Variants in MRPL39 observed in about 807,000 individuals in gnomAD.
MRPL39 encodes large ribosomal subunit protein mL39.
In MRPL39, 35 loss-of-function variants were observed where a neutral mutation model predicts 44.5. The ratio of observed to expected loss-of-function variants is 0.79; its 90% CI spans 0.60 to 1.04. The LOEUF is 1.04. Among genes scored for constraint, MRPL39 ranks in the 50% least tolerant of loss-of-function variants. MRPL39 has a pLI of 0.00. For missense variants in MRPL39, 433 were observed against 413.5 expected (o/e 1.05, Z -0.41); for synonymous variants, 139 against 136.1 (o/e 1.02, Z -0.15).
chr21:25,607,362 T>C (rs779389353), intron 1 of MRPL39, 41 bp downstream of exon 1: 8 of 1,609,174 alleles, frequency 5.0e-6, no homozygotes, highest in Non-Finnish European at 6.8e-6. Flanking sequence ...GACACCACTA[T>C]CTAGGCCTCG....
chr21:25,598,856 G>GGGA (rs2031438672), intron 5 of MRPL39, among the ~76,000 whole-genome samples: 1 of 136,640 alleles, frequency 7.3e-6, no homozygotes, highest in African/African-American at 2.7e-5. Flanking sequence ...TTACTAAGGG[G>GGGA]AAAAAAAAAA....
chr21:25,595,908 A>G (rs1205833689), intron 6 of MRPL39, among the ~76,000 whole-genome samples: 1 of 152,274 alleles, frequency 6.6e-6, no homozygotes. Context: ...TGTCGAATCA[A>G]TGCTATAAAT....
chr21:25,600,273 G>A (rs1043906904), intron 4 of MRPL39, among the ~76,000 whole-genome samples: 2 of 151,680 alleles, frequency 1.3e-5, no homozygotes, highest in Non-Finnish European at 2.9e-5. Context: ...GCAGGCAACT[G>A]TAATCCCAGC....
chr21:25,593,055 T>G, intron 7 of MRPL39, 90 bp from the exon 8 acceptor site: 1 of 1,137,920 alleles, frequency 8.8e-7, no homozygotes, highest in East Asian at 2.4e-5. Context: ...TCTTTGCTGC[T>G]AACATCCCTA....
intron 5 of MRPL39, among the ~76,000 whole-genome samples, chr21:25,599,343 C>A (rs1031167699): frequency 1.3e-5 from 2 of 152,202 alleles, no homozygotes; most frequent in African/African-American, 4.8e-5. Context: ...AGGGACCTCA[C>A]TGTATGCAAC....
At chr21:25,593,667 A>T (rs1327388111) in intron 7 of MRPL39, among the ~76,000 whole-genome samples, 1 of 152,226 alleles carries the variant, frequency 6.6e-6, no homozygotes, top group Non-Finnish European at 1.5e-5. Flanking sequence ...TTAAATAAAA[A>T]TAGCAAACAA....
In MRPL39 at chr21:25,606,550, G is replaced by A. The variant is rs1260583554; in HGVS notation, c.179C>T (p.Pro60Leu). 4 of 1,613,894 alleles carry A rather than the reference G, an allele frequency of 2.5e-6. No homozygotes were observed. The South Asian group carries it at 3.3e-5, about 13-fold the overall frequency. Residue 60 changes from proline (P) to leucine (L), a missense_variant, in exon 2 of 10, where the codon CCC (proline) becomes CTC (leucine). Physicochemically the swap from Pro to Leu is moderately conservative, Grantham distance 98 (BLOSUM62 -3). Coordinates refer to ENST00000352957, the MANE Select transcript of MRPL39 (RefSeq NM_017446.4). ...CTTAACTTCTATCTTCTCAGTTCGG[G>A]GAGTTAATGATAACTGCCTGGCTTT... ...KEKARQLSLT[P>L]RTEKIEVKHV...
intron 9 of MRPL39, chr21:25,587,653 A>G: frequency 7.4e-7 from 1 of 1,348,978 alleles, no homozygotes; most frequent in Non-Finnish European, 1.1e-6. Context: ...ATGTGGACAT[A>G]TACAATCAAG....
chr21:25,607,091 A>C (rs1208363762), intron 1 of MRPL39, among the ~76,000 whole-genome samples: 3 of 152,256 alleles, frequency 2.0e-5, no homozygotes, highest in Non-Finnish European at 4.4e-5. Flanking sequence ...GGCAAGTACG[A>C]GTATTCCTTG....
chr21:25,587,805 A>G, intron 9 of MRPL39: 3 of 1,576,812 alleles, frequency 1.9e-6, no homozygotes, highest in Middle Eastern at 1.7e-4. Context: ...AAGAAAAACT[A>G]TCATGAAGAA....
intron 8 of MRPL39, among the ~76,000 whole-genome samples, chr21:25,591,343 C>T (rs1207502518): frequency 6.6e-6 from 1 of 152,030 alleles, no homozygotes; most frequent in Non-Finnish European, 1.5e-5. Context: ...CAAAAGGCTG[C>T]TCAGAGAATG....
At chr21:25,605,198 C>T (rs946862764) in intron 2 of MRPL39, among the ~76,000 whole-genome samples, 1 of 152,206 alleles carries the variant, frequency 6.6e-6, no homozygotes, top group Admixed American at 6.5e-5. Context: ...AGCAATGCAG[C>T]TAGTCATGCC....
chr21:25,590,521 A>C (rs2031141692), intron 8 of MRPL39, among the ~76,000 whole-genome samples: 1 of 152,164 alleles, frequency 6.6e-6, no homozygotes, highest in Non-Finnish European at 1.5e-5. Context: ...GGATGATCCC[A>C]TTTTCTGAAA....
chr21:25,606,353 T>C, intron 2 of MRPL39, 96 bp downstream of exon 2: 2 of 1,127,480 alleles, frequency 1.8e-6, no homozygotes, highest in Non-Finnish European at 2.5e-6. Context: ...TGGCCACAGA[T>C]GACCAGAAGT....
intron 2 of MRPL39, 44 bp from the exon 3 acceptor site, chr21:25,603,979 G>A (rs755175206): frequency 6.4e-7 from 1 of 1,559,276 alleles, no homozygotes; most frequent in South Asian, 1.2e-5. Context: ...AATCCAGAGT[G>A]AAAAGTTACA....
intron 1 of MRPL39, among the ~76,000 whole-genome samples, chr21:25,606,880 T>C (rs77528591): frequency 0.027 from 4,045 of 152,170 alleles, 204 homozygotes; most frequent in African/African-American, 0.093. Context: ...TGCTTTACAA[T>C]AAGGGGCAAA....
At chr21:25,604,235 G>A (rs2031603078) in intron 2 of MRPL39, among the ~76,000 whole-genome samples, 1 of 151,880 alleles carries the variant, frequency 6.6e-6, no homozygotes, top group Non-Finnish European at 1.5e-5. Context: ...TTCGAGCCTG[G>A]GTGACAGAGC....
intron 5 of MRPL39, 66 bp from the exon 6 acceptor site, chr21:25,597,480 G>GA: frequency 2.3e-6 from 2 of 868,194 alleles, no homozygotes; most frequent in Non-Finnish European, 3.6e-6. Flanking sequence ...TAAGCCAGTT[G>GA]AAACAAAACT....
In MRPL39 at chr21:25,606,530, C is replaced by T; in HGVS notation, c.199G>A (p.Val67Ile). 1.2e-6 allele frequency: 2 copies of T among 1,614,068 alleles called. No homozygotes were observed. Among genetic ancestry groups the T allele is most frequent in the Non-Finnish European group, 1.7e-6 (2 of 1,179,958 alleles). ...GGGTCAGTTTTCCCAACATGCTTAA[C>T]TTCTATCTTCTCAGTTCGGGGAGTT... ...SLTPRTEKIEVKHVGKTDPGT... is the reference protein window; with the variant it reads ...SLTPRTEKIEIKHVGKTDPGT... The change falls in exon 2 of 10, where the codon GTT becomes ATT. Residue 67 changes from valine to isoleucine, a missense_variant. Val to Ile is a conservative substitution (Grantham distance 29). Coordinates refer to ENST00000352957, the MANE Select transcript of MRPL39 (RefSeq NM_017446.4).
Sources: allele counts gnomAD v4.1 joint callset (sites outside exome capture counted in the v4.1 genomes callset), GRCh38; gene constraint gnomAD v4.1.1; transcripts MANE v1.5; gene names NCBI Gene and HGNC (gene_info 2026-07-23, HGNC 2026-07-21).